Variants in CYP2C8 observed in about 807,000 individuals in gnomAD.
The protein encoded by CYP2C8 is cytochrome P450 family 2 subfamily C member 8.
Under a neutral mutation model 41.3 loss-of-function variants are expected in CYP2C8, and 51 were observed. The observed-to-expected ratio is 1.24, with a 90% CI of 0.99 to 1.56. CYP2C8 has a LOEUF of 1.56. Among genes scored for constraint, CYP2C8 ranks in the 40% most tolerant of loss-of-function variants. The probability of loss-of-function intolerance (pLI) is 0.00; values close to 1 mark genes in which losing one functional copy is unlikely to be tolerated. For synonymous variants in CYP2C8, 218 were observed against 205.8 expected, an observed-to-expected ratio of 1.06 and a Z score of -0.51; for missense variants, 651 against 579.9, an observed-to-expected ratio of 1.12 and a Z score of -1.26.
In CYP2C8 at chr10:95,067,581, C is replaced by T. The variant is rs780827802; in HGVS notation, c.279G>A (p.Glu93=). The T allele has an allele frequency of 9.9e-6, 16 of 1,614,062 alleles. No homozygotes were observed. The highest frequency in any genetic ancestry group is 3.3e-5 in the South Asian group (3 of 91,088). ...VKEALIDNGE[E]FSGRGNSPIS... Reference sequence around the variant, plus strand: ...TTGGGGAATTGCCTCTTCCAGAAAACTCCTCTCCATTATCAATCAGGGCTT... The same window carrying T: ...TTGGGGAATTGCCTCTTCCAGAAAATTCCTCTCCATTATCAATCAGGGCTT... Residue 93 remains glutamate, a synonymous_variant, in exon 2 of 9, where the codon GAG becomes GAA. Coordinates refer to ENST00000371270, the MANE Select transcript of CYP2C8 (RefSeq NM_000770.3).
At chr10:95,048,353 C>T (rs1040845845) in intron 5 of CYP2C8, among the ~76,000 whole-genome samples, 2 of 152,164 alleles carry the variant, frequency 1.3e-5, no homozygotes, top group Admixed American at 6.6e-5. Flanking sequence ...CTCTTTGCTA[C>T]AAAGGAGGGC....
chr10:95,061,813 G>A (rs958196869), intron 4 of CYP2C8, among the ~76,000 whole-genome samples: 3 of 152,210 alleles, frequency 2.0e-5, no homozygotes, highest in Non-Finnish European at 2.9e-5. Context: ...TGCATTAAAT[G>A]TGTCCCAGAG....
At chr10:95,041,509 C>T (rs184046898) in intron 7 of CYP2C8, among the ~76,000 whole-genome samples, 15 of 152,278 alleles carry the variant, frequency 9.9e-5, no homozygotes, top group Admixed American at 6.5e-4. Flanking sequence ...AGGCCGGGCG[C>T]GGTGGCTCAC....
rs182305420 is a variant in CYP2C8 at position 95,061,480 on chromosome 10, T to A, written c.643-2969A>T. Among the ~76,000 whole-genome samples the A allele has an allele frequency of 4.1e-4, 63 of 152,330 alleles. 1 individual carries two copies. Among genetic ancestry groups the A allele is most frequent in the African/African-American group, 1.4e-3 (57 of 41,584 alleles). On this transcript the variant is annotated intron_variant, in intron 4 of 8. Transcript: ENST00000371270. ...GTAATTTGTATTTCTGTGGGATCGG[T>A]TGTGATATCCCCTTTATCATTTTTT... is the stretch of plus-strand genomic sequence containing the variant.
chr10:95,039,168 T>G, intron 7 of CYP2C8, 130 bp from the exon 8 acceptor site: 1 of 832,940 alleles, frequency 1.2e-6, no homozygotes, highest in Non-Finnish European at 2.0e-6. Context: ...ACACAGTAAT[T>G]TACATGGATG....
At chr10:95,058,577 G>A (rs1281719745) in intron 4 of CYP2C8, 66 bp from the exon 5 acceptor site, 17 of 1,378,616 alleles carry the variant, frequency 1.2e-5, no homozygotes, top group Non-Finnish European at 1.6e-5. Flanking sequence ...ACCAAGCCCT[G>A]ATTGAAATTA....
chr10:95,058,557 T>C (rs763292608), intron 4 of CYP2C8, 46 bp from the exon 5 acceptor site: 3 of 1,499,358 alleles, frequency 2.0e-6, no homozygotes, highest in South Asian at 1.2e-5. Flanking sequence ...ATAAGATATA[T>C]GTATCTTACA....
chr10:95,058,367 A>C lies in CYP2C8; in HGVS notation c.787T>G (p.Phe263Val). ...ASLDVNNPRD[F>V]IDCFLIKMEQ... ...ATTTTGATCAGGAAGCAATCGATAA[A>C]GTCCCGAGGATTGTTAACATCCAGT... Residue 263 changes from phenylalanine (F) to valine (V), a missense_variant, in exon 5 of 9, where the codon TTT becomes GTT. By Grantham distance (50) the Phe-to-Val change is conservative. Transcript: ENST00000371270. 6.2e-7 allele frequency: 1 copy of C among 1,613,490 alleles called. No individual in the cohort carries two copies. Among genetic ancestry groups the C allele is most frequent in the East Asian group, 2.2e-5 (1 of 44,826 alleles).
At chr10:95,054,236 G>C (rs921210869) in intron 5 of CYP2C8, among the ~76,000 whole-genome samples, 1 of 151,996 alleles carries the variant, frequency 6.6e-6, no homozygotes, top group African/African-American at 2.4e-5. Context: ...TATATGAGGA[G>C]TGCAAGAGTG....
intron 4 of CYP2C8, among the ~76,000 whole-genome samples, chr10:95,061,448 T>C (rs2033426917): frequency 6.6e-6 from 1 of 152,214 alleles, no homozygotes; most frequent in African/African-American, 2.4e-5. Context: ...TATAGTATGC[T>C]CTGATGGTAA....
intron 3 of CYP2C8, among the ~76,000 whole-genome samples, chr10:95,066,153 A>AGAGAGAGAGTGTGTGTGTGT (rs1342809282): frequency 2.3e-5 from 2 of 88,286 alleles, no homozygotes; most frequent in Non-Finnish European, 4.6e-5. Context: ...AGAGAGAGAG[A>AGAGAGAGAGTGTGTGTGTGT]GTGTGTGTGT....
chr10:95,047,805 C>G (rs951014466), intron 5 of CYP2C8, among the ~76,000 whole-genome samples: 4 of 152,102 alleles, frequency 2.6e-5, no homozygotes, highest in Admixed American at 1.3e-4. Context: ...AACTCCACCC[C>G]CCTCAAAAAA....
At chr10:95,043,352 C>T (rs2033046013) in intron 6 of CYP2C8, among the ~76,000 whole-genome samples, 1 of 151,970 alleles carries the variant, frequency 6.6e-6, no homozygotes, top group Admixed American at 6.6e-5. Flanking sequence ...AAAAAATAAA[C>T]AGAACATAAT....
intron 8 of CYP2C8, among the ~76,000 whole-genome samples, chr10:95,038,305 T>C (rs1294194045): frequency 1.3e-5 from 2 of 152,230 alleles, no homozygotes; most frequent in African/African-American, 2.4e-5. Flanking sequence ...TCTGAGTTGC[T>C]TACTCCATTT....
intron 4 of CYP2C8, 145 bp downstream of exon 4, chr10:95,064,655 A>C: frequency 1.2e-6 from 1 of 814,384 alleles, no homozygotes; most frequent in Non-Finnish European, 1.9e-6. Context: ...TGAACAGGAA[A>C]TCAAAGGTGG....
rs72558196 is a variant in CYP2C8 at position 95,067,213 on chromosome 10, GT to G, written c.475del (p.Thr159ProfsTer19). On this transcript the variant is annotated frameshift_variant, in exon 3 of 9. Transcript: ENST00000371270. LOFTEE classifies it high-confidence loss of function. ...CGCAGAGTAGAGTCACCCACCCTTGGTTTTTCTCAACTCCTCCACAAGGCAG... is the reference window on the plus strand; with the variant it reads ...CGCAGAGTAGAGTCACCCACCCTTGGTTTTCTCAACTCCTCCACAAGGCAG... ...AHCLVEELRK[T>X]KASPCDPTFI... The G allele has an allele frequency of 6.9e-5, 112 of 1,614,048 alleles. No individual in the cohort carries two copies. In the East Asian group the frequency reaches 2.4e-3, roughly 35 times the overall value.
intron 6 of CYP2C8, among the ~76,000 whole-genome samples, chr10:95,043,928 A>T (rs1014513886): frequency 1.3e-5 from 2 of 152,084 alleles, no homozygotes; most frequent in African/African-American, 4.8e-5. Context: ...CTTTAGTTAA[A>T]TCACAATTTT....
chr10:95,062,092 G>C (rs1259285197), intron 4 of CYP2C8, among the ~76,000 whole-genome samples: 1 of 152,164 alleles, frequency 6.6e-6, no homozygotes, highest in Non-Finnish European at 1.5e-5. Flanking sequence ...AGTGTGGTGT[G>C]GTGCTGAGAA....
intron 5 of CYP2C8, among the ~76,000 whole-genome samples, chr10:95,048,070 C>T (rs1324783556): frequency 6.6e-6 from 1 of 152,126 alleles, no homozygotes; most frequent in African/African-American, 2.4e-5. Context: ...TACTAAGTCT[C>T]TCAGGGTTTC....
Sources: gnomAD v4.1 joint callset for allele counts (sites outside exome capture counted in the v4.1 genomes callset) on GRCh38, gnomAD v4.1.1 for gene constraint, MANE v1.5 for transcripts, NCBI Gene and HGNC (gene_info 2026-07-23, HGNC 2026-07-21) for gene names.